The following TSHZ2 variants were observed in gnomAD, a reference collection of about 807,000 sequenced individuals.
The protein encoded by TSHZ2 is teashirt homolog 2.
A neutral mutation model predicts 74.4 loss-of-function variants in TSHZ2; 21 were observed. The ratio of observed to expected loss-of-function variants is 0.28; its 90% CI spans 0.20 to 0.41. TSHZ2 has a LOEUF of 0.41. Ranked by LOEUF, TSHZ2 falls within the 10% of genes least tolerant of loss-of-function variation. The pLI, the probability that TSHZ2 is intolerant of heterozygous loss-of-function variation, is 1.00. For missense variants in TSHZ2, 1,244 were observed against 1,293.5 expected, an observed-to-expected ratio of 0.96 and a Z score of 0.59; for synonymous variants, 540 against 515.3, an observed-to-expected ratio of 1.05 and a Z score of -0.65.
intron 2 of TSHZ2, among the ~76,000 whole-genome samples, chr20:53,302,020 A>T (rs778621222): frequency 6.6e-6 from 1 of 152,332 alleles, no homozygotes; most frequent in African/African-American, 2.4e-5. Flanking sequence ...TGGTTACCAT[A>T]GCGATTTCGC....
At chr20:53,297,000 G>A (rs1395079013) in intron 2 of TSHZ2, among the ~76,000 whole-genome samples, 1 of 152,186 alleles carries the variant, frequency 6.6e-6, no homozygotes, top group Non-Finnish European at 1.5e-5. Flanking sequence ...ACAACTTCAA[G>A]GTAGAGAAAG....
chr20:53,182,726 A>C (rs1476792575), intron 1 of TSHZ2, among the ~76,000 whole-genome samples: 1 of 152,086 alleles, frequency 6.6e-6, no homozygotes, highest in African/African-American at 2.4e-5. Flanking sequence ...TTTTCTGCCA[A>C]ATTTGTTCCC....
At chr20:53,353,010 TC>T (rs1326237638) in intron 2 of TSHZ2, among the ~76,000 whole-genome samples, 6 of 152,168 alleles carry the variant, frequency 3.9e-5, no homozygotes, top group Non-Finnish European at 5.9e-5. Flanking sequence ...TTTCCCAAGT[TC>T]CTTTTTTCTC....
intron 1 of TSHZ2, among the ~76,000 whole-genome samples, chr20:53,134,685 G>A (rs185759889): frequency 2.1e-4 from 32 of 152,172 alleles, no homozygotes; most frequent in Non-Finnish European, 2.9e-4. Context: ...CGGACAACTC[G>A]GTGTTTTTAC....
chr20:53,160,275 GGGT>G (rs1987897365), intron 1 of TSHZ2, among the ~76,000 whole-genome samples: 1 of 152,124 alleles, frequency 6.6e-6, no homozygotes, highest in Admixed American at 6.6e-5. Context: ...GGGCTAAAGG[GGGT>G]GGTAGTTTTT....
chr20:53,058,121 C>T (rs1271644601), intron 1 of TSHZ2, among the ~76,000 whole-genome samples: 1 of 152,132 alleles, frequency 6.6e-6, no homozygotes, highest in Non-Finnish European at 1.5e-5. Flanking sequence ...GGTTTAGGCC[C>T]TTGAGAGAAT....
At position 53,254,974 on chromosome 20, in the gene TSHZ2, T is replaced by G; in HGVS notation, c.1516T>G (p.Leu506Val). ...ATATCAATACCTAAGGGAGGAAGAC[T>G]TGGAAGATGGCTCAAAGGGTGGAGG... ...IKYQYLREED[L>V]EDGSKGGGDI... Residue 506 changes from leucine (L) to valine (V), a missense_variant, in exon 2 of 3, where the codon TTG (leucine) becomes GTG (valine). Leu to Val is a conservative substitution (Grantham distance 32, BLOSUM62 1). This residue lies in a region of TSHZ2 where 562 missense variants were observed against 544.0 expected (regional missense o/e 1.03). Transcript: ENST00000371497. 1 of 1,614,182 alleles carries G rather than the reference T, an allele frequency of 6.2e-7. No individual in the cohort carries two copies. The highest frequency in any genetic ancestry group is 8.5e-7 in the Non-Finnish European group (1 of 1,180,030).
At chr20:53,119,479 C>T (rs968855785) in intron 1 of TSHZ2, among the ~76,000 whole-genome samples, 1 of 152,128 alleles carries the variant, frequency 6.6e-6, no homozygotes, top group Non-Finnish European at 1.5e-5. Flanking sequence ...TCAGTGCAGT[C>T]AAGGGGAGAG....
chr20:53,121,912 G>C (rs1986820315), intron 1 of TSHZ2, among the ~76,000 whole-genome samples: 1 of 152,128 alleles, frequency 6.6e-6, no homozygotes, highest in African/African-American at 2.4e-5. Context: ...TCTATTGATA[G>C]ATGTTGCTTA....
At chr20:53,297,110 T>A (rs1991393929) in intron 2 of TSHZ2, among the ~76,000 whole-genome samples, 1 of 151,964 alleles carries the variant, frequency 6.6e-6, no homozygotes, top group Admixed American at 6.5e-5. Flanking sequence ...GTTATTATAG[T>A]CTTGTAATCT....
intron 2 of TSHZ2, among the ~76,000 whole-genome samples, chr20:53,466,034 G>A (rs1985548523): frequency 6.6e-6 from 1 of 151,110 alleles, no homozygotes. Flanking sequence ...AATCACAAGG[G>A]TCAGGAGTTC....
At chr20:53,155,070 TTTTTTA>T (rs1481662997) in intron 1 of TSHZ2, among the ~76,000 whole-genome samples, 18 of 151,246 alleles carry the variant, frequency 1.2e-4, no homozygotes, top group African/African-American at 4.4e-4. Context: ...TTTTTTTTTT[TTTTTTA>T]GTTTTGTCAG....
At chr20:53,230,797 C>T (rs1003049138) in intron 1 of TSHZ2, among the ~76,000 whole-genome samples, 16 of 151,712 alleles carry the variant, frequency 1.1e-4, no homozygotes, top group African/African-American at 3.9e-4. Flanking sequence ...GAGGCTGAGG[C>T]AGGAGAATCG....
intron 1 of TSHZ2, among the ~76,000 whole-genome samples, chr20:53,231,445 T>G (rs1298361051): frequency 6.6e-6 from 1 of 152,308 alleles, no homozygotes; most frequent in African/African-American, 2.4e-5. Context: ...TTCATTGATG[T>G]GGCCACACTG....
At chr20:53,158,274 G>T (rs892723851) in intron 1 of TSHZ2, among the ~76,000 whole-genome samples, 2 of 152,156 alleles carry the variant, frequency 1.3e-5, no homozygotes, top group Admixed American at 6.5e-5. Flanking sequence ...ACTTCATAAG[G>T]ACTTTGGATT....
At chr20:53,098,090 A>T (rs1380110316) in intron 1 of TSHZ2, 1 of 152,092 alleles carries the variant, frequency 6.6e-6, no homozygotes, top group Non-Finnish European at 1.5e-5. Flanking sequence ...AGTCTGGTAA[A>T]CTCGGCTCCC....
At chr20:53,078,513 TGTG>T (rs1985435946) in intron 1 of TSHZ2, among the ~76,000 whole-genome samples, 1 of 152,188 alleles carries the variant, frequency 6.6e-6, no homozygotes, top group African/African-American at 2.4e-5. Context: ...CACTTTTCGA[TGTG>T]GTCTTTGAGC....
intron 1 of TSHZ2, among the ~76,000 whole-genome samples, chr20:53,112,096 G>A (rs1986550188): frequency 6.6e-6 from 1 of 152,184 alleles, no homozygotes; most frequent in Non-Finnish European, 1.5e-5. Flanking sequence ...TGCCACCCAG[G>A]CAAAACCAGG....
chr20:53,374,939 A>C (rs909455394), intron 2 of TSHZ2, among the ~76,000 whole-genome samples: 29 of 149,076 alleles, frequency 1.9e-4, no homozygotes, highest in African/African-American at 3.3e-4. Context: ...AAAAAAAAAA[A>C]CACTATTTTT....
Sources: allele counts gnomAD v4.1 joint callset (sites outside exome capture counted in the v4.1 genomes callset), GRCh38; gene constraint gnomAD v4.1.1; regional missense constraint gnomAD v4.1.1; transcripts MANE v1.5; gene names NCBI Gene and HGNC (gene_info 2026-07-23, HGNC 2026-07-21).